Variants in FBXO11 observed in about 807,000 individuals in gnomAD.
FBXO11 encodes the protein F-box protein 11, also known as F-box only protein 11.
FBXO11 carries 13 observed loss-of-function variants against 117.0 expected under a neutral mutation model. The observed-to-expected ratio is 0.11, with a 90% CI of 0.07 to 0.18. The LOEUF (loss-of-function observed/expected upper bound fraction) is 0.18, where lower values mean the gene tolerates loss of function less well. FBXO11 is among the 10% of genes least tolerant of loss of function. The pLI is 1.00. For synonymous variants in FBXO11, 490 were observed against 380.5 expected (o/e 1.29, Z -3.35); for missense variants, 767 against 1,164.4 (o/e 0.66, Z 4.97).
intron 1 of FBXO11, among the ~76,000 whole-genome samples, chr2:47,853,275 T>G (rs904870171): frequency 6.6e-6 from 1 of 152,064 alleles, no homozygotes; most frequent in Admixed American, 6.6e-5. Context: ...CTTCACCACG[T>G]TGGCCAGGCT....
At chr2:47,847,039 T>C (rs1016199297) in intron 1 of FBXO11, among the ~76,000 whole-genome samples, 2 of 151,642 alleles carry the variant, frequency 1.3e-5, no homozygotes, top group African/African-American at 4.8e-5. Flanking sequence ...AGGCCAGGAG[T>C]TCAAGACCAG....
At chr2:47,862,096 TTTTTAA>T (rs1674823404) in intron 1 of FBXO11, among the ~76,000 whole-genome samples, 1 of 151,972 alleles carries the variant, frequency 6.6e-6, no homozygotes, top group African/African-American at 2.4e-5. Flanking sequence ...TTATTTTTTA[TTTTTAA>T]TAGAGATGGG....
intron 1 of FBXO11, among the ~76,000 whole-genome samples, chr2:47,863,407 T>A (rs1290632985): frequency 6.7e-6 from 1 of 149,512 alleles, no homozygotes; most frequent in Non-Finnish European, 1.5e-5. Context: ...CTCGTTTACA[T>A]GGCTCTGAAA....
chr2:47,871,056 G>A (rs915102617), intron 1 of FBXO11, among the ~76,000 whole-genome samples: 1 of 152,038 alleles, frequency 6.6e-6, no homozygotes, highest in Non-Finnish European at 1.5e-5. Flanking sequence ...CCTCTTCCTT[G>A]AGTATTGATA....
At chr2:47,843,889 C>T (rs191902295) in intron 1 of FBXO11, among the ~76,000 whole-genome samples, 159 of 152,002 alleles carry the variant, frequency 1.0e-3, no homozygotes, top group African/African-American at 3.6e-3. Flanking sequence ...TACAGGCACG[C>T]GCCACTACGC....
At chr2:47,809,547 T>G (rs980579180) in intron 20 of FBXO11, 53 bp downstream of exon 20, 4 of 1,310,096 alleles carry the variant, frequency 3.1e-6, no homozygotes, top group East Asian at 4.6e-5. Flanking sequence ...GGCTTCTGAT[T>G]ATCTTTCATG....
chr2:47,901,149 G>C (rs1219493613), intron 1 of FBXO11, among the ~76,000 whole-genome samples: 4 of 130,036 alleles, frequency 3.1e-5, no homozygotes, highest in Non-Finnish European at 6.5e-5. Context: ...ATACACACGT[G>C]TGTACATATA....
intron 1 of FBXO11, among the ~76,000 whole-genome samples, chr2:47,848,880 A>G (rs1412612281): frequency 2.0e-5 from 3 of 152,202 alleles, no homozygotes; most frequent in Admixed American, 2.0e-4. Flanking sequence ...GCAAAAAATT[A>G]TACTATTGAT....
chr2:47,814,180 C>A (rs1670839732), intron 16 of FBXO11: 1 of 257,950 alleles, frequency 3.9e-6, no homozygotes, highest in African/African-American at 2.2e-5. Flanking sequence ...TTGGAGATAA[C>A]TGCAGGTTCC....
At chr2:47,901,184 G>C (rs969102458) in intron 1 of FBXO11, among the ~76,000 whole-genome samples, 1 of 121,520 alleles carries the variant, frequency 8.2e-6, no homozygotes, top group African/African-American at 3.1e-5. Flanking sequence ...TATATATGTG[G>C]GTACATATAT....
chr2:47,889,471 A>C (rs886994532), intron 1 of FBXO11, among the ~76,000 whole-genome samples: 15 of 152,220 alleles, frequency 9.9e-5, no homozygotes. Context: ...GGTTTATAAG[A>C]AGCCTGTAAG....
At chr2:47,896,006 G>A (rs1269054806) in intron 1 of FBXO11, among the ~76,000 whole-genome samples, 3 of 152,142 alleles carry the variant, frequency 2.0e-5, no homozygotes, top group Admixed American at 1.3e-4. Context: ...TAACTATATA[G>A]TTTTAAATGT....
intron 1 of FBXO11, among the ~76,000 whole-genome samples, chr2:47,842,122 T>C (rs1673060050): frequency 6.6e-6 from 1 of 151,730 alleles, no homozygotes; most frequent in Non-Finnish European, 1.5e-5. Context: ...TTCAAGCCAT[T>C]CTCCGGCCTC....
chr2:47,818,185 C>A (rs1572774779), intron 16 of FBXO11, among the ~76,000 whole-genome samples: 1 of 152,098 alleles, frequency 6.6e-6, no homozygotes, highest in African/African-American at 2.4e-5. Context: ...AAATGAGACA[C>A]AGAGACAGGA....
rs1393346748 is a variant in FBXO11 at position 47,905,663 on chromosome 2, C to A, written c.58G>T (p.Val20Leu). 2.3e-5 allele frequency: 35 copies of A among 1,498,200 alleles called. No individual in the cohort carries two copies. Among genetic ancestry groups the A allele is most frequent in the Non-Finnish European group, 2.8e-5 (31 of 1,125,664 alleles). The allele number at this position is 1,498,200 out of a possible 1,614,324, so 92.8% of individuals were successfully genotyped here. A position where few individuals can be genotyped will look rare whatever the true frequency, so the allele number is the denominator to read the frequency against. ...RPRRVSRPRPVQQQQQQPPQQ... is the reference protein window; with the variant it reads ...RPRRVSRPRPLQQQQQQPPQQ... ...GGGGGCTGCTGCTGCTGTTGCTGCA[C>A]CGGGCGCGGCCGCGACACTCGCCTG... Residue 20 changes from valine to leucine, a missense_variant, in exon 1 of 23, where the codon GTG (valine) becomes TTG (leucine). Physicochemically the swap from Val to Leu is conservative, Grantham distance 32. Coordinates refer to ENST00000403359, the MANE Select transcript of FBXO11 (RefSeq NM_001190274.2).
chr2:47,851,832 G>C (rs779743084), intron 1 of FBXO11, among the ~76,000 whole-genome samples: 1 of 152,132 alleles, frequency 6.6e-6, no homozygotes, highest in African/African-American at 2.4e-5. Context: ...AAAGCAAAAT[G>C]AAAATATGGC....
chr2:47,870,146 G>C (rs1675517059), intron 1 of FBXO11, among the ~76,000 whole-genome samples: 2 of 152,246 alleles, frequency 1.3e-5, no homozygotes, highest in South Asian at 4.1e-4. Flanking sequence ...GCTCTCCTGA[G>C]TGTCTCTCTC....
intron 11 of FBXO11, among the ~76,000 whole-genome samples, chr2:47,827,305 T>TTTTG (rs145664404): frequency 6.6e-6 from 1 of 152,180 alleles, no homozygotes; most frequent in South Asian, 2.1e-4. Flanking sequence ...TTCAAGATTT[T>TTTTG]TTTGTTTGTT....
intron 1 of FBXO11, among the ~76,000 whole-genome samples, chr2:47,851,019 T>C (rs1017529475): frequency 6.6e-6 from 1 of 152,314 alleles, no homozygotes; most frequent in Non-Finnish European, 1.5e-5. Context: ...CTTCCAAAGA[T>C]TTAAAATACT....
Sources: gnomAD v4.1 joint callset for allele counts (sites outside exome capture counted in the v4.1 genomes callset) on GRCh38, gnomAD v4.1.1 for gene constraint, MANE v1.5 for transcripts, NCBI Gene and HGNC (gene_info 2026-07-23, HGNC 2026-07-21) for gene names.